Variants in MIS18A observed in about 807,000 individuals in gnomAD.
MIS18A encodes the protein MIS18 kinetochore protein A, also known as protein Mis18-alpha.
MIS18A carries 14 observed loss-of-function variants against 25.0 expected under a neutral mutation model. The observed-to-expected ratio is 0.56, with a 90% CI of 0.37 to 0.88. The LOEUF is 0.88. MIS18A is among the 40% of genes least tolerant of loss of function. MIS18A has a pLI of 0.00. For missense variants in MIS18A, 292 were observed against 290.8 expected (o/e 1.00, Z -0.03); for synonymous variants, 134 against 118.6 (o/e 1.13, Z -0.84).
the MIS18A span, among the ~76,000 whole-genome samples, chr21:32,238,860 G>A: frequency 1.3e-5 from 2 of 152,160 alleles, no homozygotes; most frequent in African/African-American, 4.8e-5. Context: ...AAGGACATCA[G>A]AAATTCCTGT....
chr21:32,274,959 G>C, intron 1 of MIS18A, 63 bp from the exon 2 acceptor site: 4 of 1,350,942 alleles, frequency 3.0e-6, no homozygotes, highest in South Asian at 1.3e-5. Flanking sequence ...CCTGCAGACA[G>C]AGAGTTTCTA....
chr21:32,198,045 A>G, the MIS18A span, among the ~76,000 whole-genome samples: 1 of 152,332 alleles, frequency 6.6e-6, no homozygotes, highest in Admixed American at 6.5e-5. Context: ...AAATATAAAA[A>G]CGGAGCCTAA....
the MIS18A span, among the ~76,000 whole-genome samples, chr21:32,169,269 C>T: frequency 6.6e-6 from 1 of 151,164 alleles, no homozygotes; most frequent in South Asian, 2.1e-4. Flanking sequence ...TAAAAAAACT[C>T]ATTCCCAGAG....
At chr21:32,167,334 T>G in the MIS18A span, among the ~76,000 whole-genome samples, 1 of 151,664 alleles carries the variant, frequency 6.6e-6, no homozygotes, top group Non-Finnish European at 1.5e-5. Flanking sequence ...GGTTCCCATA[T>G]GCTGAAATTA....
At chr21:32,221,695 T>C in the MIS18A span, among the ~76,000 whole-genome samples, 9 of 136,104 alleles carry the variant, frequency 6.6e-5, no homozygotes, top group South Asian at 1.8e-3. Context: ...CTGGCCAAGA[T>C]GGCAAAACCC....
At chr21:32,223,744 T>C in the MIS18A span, among the ~76,000 whole-genome samples, 10 of 151,906 alleles carry the variant, frequency 6.6e-5, no homozygotes, top group East Asian at 1.9e-4. Flanking sequence ...TTCCAAACAA[T>C]AGAAAAAGAG....
chr21:32,256,072 G>C, the MIS18A span, among the ~76,000 whole-genome samples: 2 of 152,072 alleles, frequency 1.3e-5, no homozygotes, highest in African/African-American at 4.8e-5. Flanking sequence ...TACTTTTAGC[G>C]AATTTCTTCA....
the MIS18A span, among the ~76,000 whole-genome samples, chr21:32,241,562 C>T: frequency 3.3e-5 from 5 of 152,138 alleles, no homozygotes; most frequent in Non-Finnish European, 7.3e-5. Flanking sequence ...AGACTTGGAG[C>T]CAGCTACCTC....
At chr21:32,248,508 T>C in the MIS18A span, among the ~76,000 whole-genome samples, 7 of 152,364 alleles carry the variant, frequency 4.6e-5, no homozygotes, top group African/African-American at 1.7e-4. Flanking sequence ...CACAGGCATA[T>C]GTTCCATCTT....
At chr21:32,239,758 T>G in the MIS18A span, among the ~76,000 whole-genome samples, 1 of 152,222 alleles carries the variant, frequency 6.6e-6, no homozygotes, top group African/African-American at 2.4e-5. Context: ...GTTTGGTATT[T>G]TCTGTTGCTG....
chr21:32,197,340 C>T, the MIS18A span, among the ~76,000 whole-genome samples: 2 of 147,406 alleles, frequency 1.4e-5, no homozygotes, highest in Non-Finnish European at 3.0e-5. Context: ...CTACCTATTT[C>T]CTACCCACCC....
the MIS18A span, among the ~76,000 whole-genome samples, chr21:32,161,313 G>A: frequency 6.6e-6 from 1 of 152,042 alleles, no homozygotes; most frequent in Non-Finnish European, 1.5e-5. Context: ...GCTGTCCTTT[G>A]TTTTTGGTGA....
intron 4 of MIS18A, among the ~76,000 whole-genome samples, chr21:32,269,397 C>T (rs1487058960): frequency 6.6e-6 from 1 of 152,190 alleles, no homozygotes; most frequent in Admixed American, 6.5e-5. Flanking sequence ...CATCCAACAA[C>T]AAGGCTATTT....
the MIS18A span, among the ~76,000 whole-genome samples, chr21:32,170,174 GA>G: frequency 2.6e-5 from 4 of 152,136 alleles, no homozygotes; most frequent in African/African-American, 9.6e-5. Flanking sequence ...TATACCCAAA[GA>G]AAAATAAACT....
chr21:32,270,613 C>A, intron 2 of MIS18A, 84 bp from the exon 3 acceptor site: 1 of 1,396,438 alleles, frequency 7.2e-7, no homozygotes, highest in Non-Finnish European at 9.4e-7. Flanking sequence ...CCATAAACAC[C>A]TCAGTTTCTC....
At chr21:32,197,592 TA>T in the MIS18A span, among the ~76,000 whole-genome samples, 1 of 152,234 alleles carries the variant, frequency 6.6e-6, no homozygotes, top group Non-Finnish European at 1.5e-5. Flanking sequence ...ACTAATGAAA[TA>T]ATCAAATCAA....
chr21:32,265,079 C>A (rs1311474516), downstream of MIS18A, among the ~76,000 whole-genome samples: 1 of 152,196 alleles, frequency 6.6e-6, no homozygotes, highest in Non-Finnish European at 1.5e-5. Flanking sequence ...GAAGGAGTAA[C>A]TTCTGGGGAG....
chr21:32,260,084 C>CTTTTTTTTTT, the MIS18A span: 9 of 116,980 alleles, frequency 7.7e-5, no homozygotes, highest in African/African-American at 3.3e-4. Flanking sequence ...TTTTTCTCAG[C>CTTTTTTTTTT]TTTTTTTTTT....
Position 32,278,910 on chromosome 21 carries a change from G to A in MIS18A, c.105C>T (p.Leu35=), listed in dbSNP as rs750873147. Residue 35 remains leucine, a synonymous_variant, in exon 1 of 5, where the codon CTC becomes CTT. Coordinates refer to ENST00000290130, the MANE Select transcript of MIS18A (RefSeq NM_018944.3). ...GCTGGTGGCGGCTCGAGTCTTCGGA[G>A]AGTCTCTTGCCCAACAGCGAGGAGT... ...CSDSSLLGKR[L]SEDSSRHQLL... is the part of the protein sequence containing the mutation. 3.7e-6 allele frequency: 6 copies of A among 1,613,554 alleles called. No homozygotes were observed. In the African/African-American group the frequency reaches 4.0e-5, roughly 11 times the overall value.
Sources: allele counts gnomAD v4.1 joint callset (sites outside exome capture counted in the v4.1 genomes callset), GRCh38; gene constraint gnomAD v4.1.1; transcripts MANE v1.5; gene names NCBI Gene and HGNC (gene_info 2026-07-23, HGNC 2026-07-21).